The following DZIP1L variants were observed in gnomAD, a reference collection of about 807,000 sequenced individuals.
DZIP1L encodes the protein DAZ interacting zinc finger protein 1 like, also known as cilium assembly protein DZIP1L.
DZIP1L carries 90 observed loss-of-function variants against 88.7 expected under a neutral mutation model. The ratio of observed to expected loss-of-function variants is 1.02; its 90% CI spans 0.86 to 1.21. The LOEUF (loss-of-function observed/expected upper bound fraction) is 1.21, where lower values mean the gene tolerates loss of function less well. Among genes scored for constraint, DZIP1L ranks in the 50% most tolerant of loss-of-function variants. The pLI is 0.00. For synonymous variants in DZIP1L, 363 were observed against 372.1 expected (o/e 0.98, Z 0.28); for missense variants, 932 against 955.8 (o/e 0.98, Z 0.33).
At chr3:138,108,189 C>CA in intron 1 of DZIP1L, 1 of 985,318 alleles carries the variant, frequency 1.0e-6, no homozygotes, top group Non-Finnish European at 1.2e-6. Context: ...ACATGATACT[C>CA]ACCATGCTTA....
chr3:138,079,951 C>G (rs1943570958), intron 10 of DZIP1L, among the ~76,000 whole-genome samples: 1 of 152,180 alleles, frequency 6.6e-6, no homozygotes. Flanking sequence ...CTCTCCCTGA[C>G]TATCCCTAAG....
At chr3:138,094,830 A>C (rs1559851432) in intron 4 of DZIP1L, 32 bp downstream of exon 4, 1 of 1,613,562 alleles carries the variant, frequency 6.2e-7, no homozygotes. Flanking sequence ...TCCATGACCC[A>C]AGTCTCCCTG....
At chr3:138,077,087 G>T (rs1943448104) in intron 11 of DZIP1L, among the ~76,000 whole-genome samples, 1 of 151,984 alleles carries the variant, frequency 6.6e-6, no homozygotes, top group Admixed American at 6.5e-5. Flanking sequence ...ACAGCCACCT[G>T]CTGAGTGGAC....
At position 138,062,753 on chromosome 3, in the gene DZIP1L, TG is replaced by T; in HGVS notation, c.*62del. 1 of 1,572,070 alleles carries T rather than the reference TG, an allele frequency of 6.4e-7. No homozygotes were observed. Among genetic ancestry groups the T allele is most frequent in the Non-Finnish European group, 8.7e-7 (1 of 1,147,918 alleles). ...CAAGAGGCCCAGCAGCCTCTTCTGTTGAAGTGGACCTGAGCTGGCCCCAGCC... is the reference window on the plus strand; with the variant it reads ...CAAGAGGCCCAGCAGCCTCTTCTGTTAAGTGGACCTGAGCTGGCCCCAGCC... On this transcript the variant is annotated 3_prime_UTR_variant, in exon 16 of 16. Transcript: ENST00000327532.
In DZIP1L at chr3:138,086,980, T is replaced by C. The variant is rs1475361281; in HGVS notation, c.1043A>G (p.His348Arg). 1 of 1,614,058 alleles carries C rather than the reference T, an allele frequency of 6.2e-7. No homozygotes were observed. Among genetic ancestry groups the C allele is most frequent in the Non-Finnish European group, 8.5e-7 (1 of 1,180,028 alleles). ...AGCTACCTCTTTCTTCTCAGCCATG[T>C]GCTCTTCATGCAGTTCCTTCACTTT... ...KRKVKELHEE[H>R]MAEKKELQEE... Residue 348 changes from histidine to arginine, a missense_variant, in exon 7 of 16, where the codon CAC (histidine) becomes CGC (arginine). By Grantham distance (29) the His-to-Arg change is conservative (BLOSUM62 0). Transcript: ENST00000327532.
At chr3:138,076,525 C>T (rs1205243050) in intron 11 of DZIP1L, among the ~76,000 whole-genome samples, 2 of 152,154 alleles carry the variant, frequency 1.3e-5, no homozygotes, top group Non-Finnish European at 2.9e-5. Flanking sequence ...GCCCATCAAT[C>T]AATGAGTGGA....
At chr3:138,106,624 G>A (rs1472538178) in intron 1 of DZIP1L, among the ~76,000 whole-genome samples, 2 of 151,422 alleles carry the variant, frequency 1.3e-5, no homozygotes, top group Non-Finnish European at 2.9e-5. Flanking sequence ...ACGAGGTCAA[G>A]AGATTGAGAC....
At position 138,077,764 on chromosome 3, in the gene DZIP1L, T is replaced by C. The variant is rs1943481542; in HGVS notation, c.1289-132A>G. ...TTAACTCAGGACTTGGAGATTGCACTTGAGCCCTTAAAGCAGCTTGCTCTC... is the reference window on the plus strand; with the variant it reads ...TTAACTCAGGACTTGGAGATTGCACCTGAGCCCTTAAAGCAGCTTGCTCTC... On this transcript the variant is annotated intron_variant, in intron 10 of 15. Coordinates refer to ENST00000327532, the MANE Select transcript of DZIP1L (RefSeq NM_173543.3). The C allele has an allele frequency of 3.0e-6, 4 of 1,326,646 alleles. No individual in the cohort carries two copies. The South Asian group carries it at 5.6e-5, about 19-fold the overall frequency. 82.2% of individuals were successfully genotyped at this position (1,326,646 alleles called of 1,614,324 possible).
chr3:138,075,438 G>T (rs191691604), intron 11 of DZIP1L, among the ~76,000 whole-genome samples: 1 of 152,126 alleles, frequency 6.6e-6, no homozygotes, highest in Non-Finnish European at 1.5e-5. Flanking sequence ...TAAGAAAATC[G>T]AAATTATATC....
Position 138,097,862 on chromosome 3 carries a change from A to C in DZIP1L, c.502-15T>G, listed in dbSNP as rs1168747154. The C allele has an allele frequency of 6.2e-7, 1 of 1,603,980 alleles. No homozygotes were observed. Among genetic ancestry groups the C allele is most frequent in the Non-Finnish European group, 8.5e-7 (1 of 1,174,008 alleles). On this transcript the variant is annotated splice_polypyrimidine_tract_variant and intron_variant, in intron 2 of 15. Coordinates refer to ENST00000327532, the MANE Select transcript of DZIP1L (RefSeq NM_173543.3). The stretch of plus-strand genomic sequence containing the variant: ...CACAGGTGGCACTATACAGAGAGGA[A>C]GCAATGGGGAGTACAAGATTAGGTC...
rs544559940 is a variant in DZIP1L at position 138,077,861 on chromosome 3, T to C, written c.1289-229A>G. On this transcript the variant is annotated intron_variant, in intron 10 of 15. Coordinates refer to ENST00000327532, the MANE Select transcript of DZIP1L (RefSeq NM_173543.3). Reference sequence around the variant, plus strand: ...CCAGCCTAATCCTAGCCCCACCTGATACCCTCATCTCGTTTCCATGCCAGG... The same window carrying C: ...CCAGCCTAATCCTAGCCCCACCTGACACCCTCATCTCGTTTCCATGCCAGG... Among the ~76,000 whole-genome samples the C allele has an allele frequency of 2.0e-5, 3 of 152,354 alleles. No homozygotes were observed. In the East Asian group the frequency reaches 5.8e-4, roughly 29 times the overall value.
rs1466298651 is a variant in DZIP1L, at chr3:138,097,943, C to G, written c.502-96G>C. ...CAAAGCCCCCATCCCCTTGGGACCC[C>G]TGGGCTGCTTCAGAAATAAAGAATT... On this transcript the variant is annotated intron_variant, in intron 2 of 15. Transcript: ENST00000327532. 6 of 1,002,898 alleles carry G rather than the reference C, an allele frequency of 6.0e-6. No individual in the cohort carries two copies. In the African/African-American group the frequency reaches 9.6e-5, roughly 16 times the overall value. The allele number at this position is 1,002,898 out of a possible 1,614,324, so 62.1% of individuals were successfully genotyped here. A position where few individuals can be genotyped will look rare whatever the true frequency, so the allele number is the denominator to read the frequency against.
chr3:138,101,849 G>A lies in DZIP1L; in HGVS notation c.501+1622C>T, dbSNP rs370723936. The A allele has an allele frequency of 6.2e-5, 82 of 1,329,278 alleles. No homozygotes were observed. The Admixed American group carries it at 1.1e-3, about 18-fold the overall frequency. The allele number at this position is 1,329,278 out of a possible 1,614,324, so 82.3% of individuals were successfully genotyped here. A position where few individuals can be genotyped will look rare whatever the true frequency, so the allele number is the denominator to read the frequency against. ...TGCCGCTCCATGTCCTGCTTGGCCC[G>A]CTGCAGGGCGCCCTCCAGCTCGGAC... On this transcript the variant is annotated intron_variant, in intron 2 of 15. Coordinates refer to ENST00000327532, the MANE Select transcript of DZIP1L (RefSeq NM_173543.3).
intron 11 of DZIP1L, among the ~76,000 whole-genome samples, chr3:138,072,669 T>C (rs1445802087): frequency 1.3e-5 from 2 of 152,210 alleles, no homozygotes; most frequent in Non-Finnish European, 2.9e-5. Context: ...AGAGAATCCA[T>C]AGACCCTGTA....
chr3:138,105,580 GTTATAC>G (rs1343173990), intron 1 of DZIP1L, among the ~76,000 whole-genome samples: 1 of 151,808 alleles, frequency 6.6e-6, no homozygotes, highest in Non-Finnish European at 1.5e-5. Flanking sequence ...AAAAATAGCT[GTTATAC>G]TTAATTATTT....
chr3:138,088,608 A>C, intron 5 of DZIP1L, 101 bp from the exon 6 acceptor site: 11 of 1,440,226 alleles, frequency 7.6e-6, no homozygotes, highest in Non-Finnish European at 6.4e-6. Context: ...TACCCAACTC[A>C]TCCTCCCAAC....
chr3:138,086,223 A>G (rs1206097240), intron 7 of DZIP1L, among the ~76,000 whole-genome samples: 1 of 151,632 alleles, frequency 6.6e-6, no homozygotes, highest in African/African-American at 2.4e-5. Context: ...TAACCTGCAC[A>G]TTGTGCACAT....
At chr3:138,076,529 G>T (rs777058133) in intron 11 of DZIP1L, among the ~76,000 whole-genome samples, 3 of 152,180 alleles carry the variant, frequency 2.0e-5, no homozygotes, top group Non-Finnish European at 2.9e-5. Flanking sequence ...ATCAATCAAT[G>T]AGTGGATAAA....
At position 138,103,768 on chromosome 3, in the gene DZIP1L, G is replaced by A; in HGVS notation, c.204C>T (p.Asp68=). ...GCCCACAGCGGCTGCACACCTCCCG[G>A]TCCAAGTTGCAGAAGGTGATGCCAG... The part of the protein sequence containing the change: ...NIAGITFCNL[D]REVCSRCGQP... Residue 68 remains aspartate, a synonymous_variant, in exon 2 of 16, where the codon GAC becomes GAT. Transcript: ENST00000327532. 1 of 1,614,056 alleles carries A rather than the reference G, an allele frequency of 6.2e-7. No homozygotes were observed. Among genetic ancestry groups the A allele is most frequent in the South Asian group, 1.1e-5 (1 of 91,090 alleles).
Sources: gnomAD v4.1 joint callset for allele counts (sites outside exome capture counted in the v4.1 genomes callset) on GRCh38, gnomAD v4.1.1 for gene constraint, MANE v1.5 for transcripts, NCBI Gene and HGNC (gene_info 2026-07-23, HGNC 2026-07-21) for gene names.